KCNQ3: variants seen among roughly 807,000 people sequenced by gnomAD.
KCNQ3 encodes the protein potassium voltage-gated channel subfamily Q member 3.
KCNQ3 carries 30 observed loss-of-function variants against 92.5 expected under a neutral mutation model. That is an observed-to-expected ratio of 0.32 (90% confidence interval 0.24 to 0.44). The LOEUF (loss-of-function observed/expected upper bound fraction) is 0.44. KCNQ3 is among the 20% of genes least tolerant of loss of function. The probability of loss-of-function intolerance (pLI) is 1.00; values close to 1 mark genes in which losing one functional copy is unlikely to be tolerated. For synonymous variants in KCNQ3, 450 were observed against 468.8 expected (o/e 0.96, Z 0.52); for missense variants, 913 against 1,140.3 (o/e 0.80, Z 2.87).
At chr8:132,287,583 G>C (rs1000543151) in intron 1 of KCNQ3, among the ~76,000 whole-genome samples, 1 of 152,202 alleles carries the variant, frequency 6.6e-6, no homozygotes, top group Non-Finnish European at 1.5e-5. Context: ...ATATTACTCA[G>C]CTATGAAAAG....
At chr8:132,319,919 G>C (rs1259551135) in intron 1 of KCNQ3, among the ~76,000 whole-genome samples, 1 of 152,198 alleles carries the variant, frequency 6.6e-6, no homozygotes, top group Non-Finnish European at 1.5e-5. Context: ...CAGCTCCCCA[G>C]ATGAACTCCC....
At chr8:132,335,203 G>A (rs937490723) in intron 1 of KCNQ3, among the ~76,000 whole-genome samples, 3 of 152,018 alleles carry the variant, frequency 2.0e-5, no homozygotes, top group African/African-American at 7.2e-5. Flanking sequence ...ACCATGCCCA[G>A]CTAATTTTTG....
chr8:132,437,688 G>A (rs1246510606), intron 1 of KCNQ3, among the ~76,000 whole-genome samples: 1 of 152,042 alleles, frequency 6.6e-6, no homozygotes, highest in Non-Finnish European at 1.5e-5. Context: ...GTATTCTCAT[G>A]CACCGTATTT....
intron 1 of KCNQ3, among the ~76,000 whole-genome samples, chr8:132,399,416 C>T (rs1403542886): frequency 1.3e-5 from 2 of 152,304 alleles, no homozygotes; most frequent in Admixed American, 6.5e-5. Context: ...TTCTTGGTTT[C>T]CAGTCTTCTA....
intron 1 of KCNQ3, among the ~76,000 whole-genome samples, chr8:132,264,801 CAGGGT>C (rs1369980725): frequency 2.6e-5 from 4 of 152,218 alleles, no homozygotes; most frequent in Non-Finnish European, 5.9e-5. Flanking sequence ...TAATAACTTA[CAGGGT>C]TTTTGTGAGG....
At chr8:132,273,175 A>C (rs1816212859) in intron 1 of KCNQ3, among the ~76,000 whole-genome samples, 1 of 152,176 alleles carries the variant, frequency 6.6e-6, no homozygotes, top group Non-Finnish European at 1.5e-5. Flanking sequence ...GAGGTTATCC[A>C]TGAGGTTACC....
chr8:132,163,814 G>T (rs1435186985), intron 8 of KCNQ3, among the ~76,000 whole-genome samples: 1 of 152,186 alleles, frequency 6.6e-6, no homozygotes, highest in East Asian at 1.9e-4. Flanking sequence ...TTATTTGGTG[G>T]TGGAGACAGA....
At chr8:132,351,637 G>A (rs1393322362) in intron 1 of KCNQ3, among the ~76,000 whole-genome samples, 1 of 152,204 alleles carries the variant, frequency 6.6e-6, no homozygotes, top group Non-Finnish European at 1.5e-5. Flanking sequence ...AGCTCAGGCT[G>A]TACAGCTCAG....
chr8:132,299,765 T>C (rs947730875), intron 1 of KCNQ3, among the ~76,000 whole-genome samples: 1 of 137,658 alleles, frequency 7.3e-6, no homozygotes. Context: ...GCCTCTTCCA[T>C]AATCAGATAT....
intron 1 of KCNQ3, among the ~76,000 whole-genome samples, chr8:132,450,840 G>C (rs754116411): frequency 6.6e-6 from 1 of 152,298 alleles, no homozygotes. Context: ...TTCAATGGAC[G>C]ACTGGGGCAA....
chr8:132,390,563 A>G (rs1820024870), intron 1 of KCNQ3, among the ~76,000 whole-genome samples: 1 of 152,214 alleles, frequency 6.6e-6, no homozygotes, highest in African/African-American at 2.4e-5. Context: ...GGTGTTTTGT[A>G]AACATTCCCA....
chr8:132,322,046 AAGG>A lies in KCNQ3; in HGVS notation c.387-135868_387-135866del, dbSNP rs201688614. Among the ~76,000 whole-genome samples, 1,154 of 152,062 alleles carry A rather than the reference AAGG, an allele frequency of 7.6e-3. 17 individuals carry two copies. The highest frequency in any genetic ancestry group is 0.026 in the African/African-American group (1,094 of 41,516). On this transcript the variant is annotated intron_variant, in intron 1 of 14. Coordinates refer to ENST00000388996, the MANE Select transcript of KCNQ3 (RefSeq NM_004519.4). ...GCCTGAGGACAAGGTGTGGCAGAAG[AAGG>A]AGAGCGGAGAAAAGAAGTGAAAGAA... is the stretch of plus-strand genomic sequence containing the variant.
At position 132,211,238 on chromosome 8, in the gene KCNQ3, C is replaced by G. The variant is rs115493718; in HGVS notation, c.387-25057G>C. On this transcript the variant is annotated intron_variant, in intron 1 of 14. Coordinates refer to ENST00000388996, the MANE Select transcript of KCNQ3 (RefSeq NM_004519.4). The stretch of plus-strand genomic sequence containing the variant: ...CATTTCCAAGATGGACAAAAATAGA[C>G]TCCAATACATGTGAGAAAAAATTGT... 1.5e-3 allele frequency among the ~76,000 whole-genome samples: 228 copies of G among 152,302 alleles called. 1 individual carries two copies. The highest frequency in any genetic ancestry group is 5.3e-3 in the African/African-American group (219 of 41,558).
At chr8:132,258,777 GAGA>G (rs1246822752) in intron 1 of KCNQ3, among the ~76,000 whole-genome samples, 4 of 152,054 alleles carry the variant, frequency 2.6e-5, no homozygotes, top group East Asian at 1.9e-4. Context: ...AAGGAAAAAG[GAGA>G]AGATGACTCA....
intron 1 of KCNQ3, among the ~76,000 whole-genome samples, chr8:132,364,622 T>C (rs1278519152): frequency 6.6e-6 from 1 of 152,080 alleles, no homozygotes; most frequent in Non-Finnish European, 1.5e-5. Context: ...TCCTAACATA[T>C]AGTAGGCAAT....
chr8:132,440,623 C>T (rs978484250), intron 1 of KCNQ3, among the ~76,000 whole-genome samples: 8 of 152,130 alleles, frequency 5.3e-5, no homozygotes, highest in Non-Finnish European at 7.3e-5. Flanking sequence ...CCCCACGCCA[C>T]GAAGACAAGG....
At chr8:132,367,517 T>C (rs1195912168) in intron 1 of KCNQ3, among the ~76,000 whole-genome samples, 1 of 152,268 alleles carries the variant, frequency 6.6e-6, no homozygotes, top group Non-Finnish European at 1.5e-5. Flanking sequence ...ATAATACTAG[T>C]ACTGTTGTAA....
Position 132,355,286 on chromosome 8 carries a change from A to G in KCNQ3, c.386+124861T>C, listed in dbSNP as rs78711100. On this transcript the variant is annotated intron_variant, in intron 1 of 14. Transcript: ENST00000388996. ...AGGATCACATATCTAGTAGGGCCTA[A>G]GATGCCCTAAGATGCTGTCCAGGGC... Among the ~76,000 whole-genome samples, 189 of 152,114 alleles carry G rather than the reference A, an allele frequency of 1.2e-3. 2 individuals are homozygous for G. In the East Asian group the frequency reaches 0.028, roughly 23 times the overall value.
Position 132,480,745 on chromosome 8 carries a change from T to G in KCNQ3, c.-213A>C. 1.1e-5 allele frequency: 3 copies of G among 266,498 alleles called. No homozygotes were observed. Among genetic ancestry groups the G allele is most frequent in the Non-Finnish European group, 1.7e-5 (3 of 180,434 alleles). 16.5% of individuals were successfully genotyped at this position (266,498 alleles called of 1,614,324 possible). A position where few individuals can be genotyped will look rare whatever the true frequency, so the allele number is the denominator to read the frequency against. The stretch of plus-strand genomic sequence containing the variant: ...CCAGGCAGGGGGTCAGGGGGTCACA[T>G]CCCGCGCGGGTCAGCCGCAGGACCC... On this transcript the variant is annotated 5_prime_UTR_variant, in exon 1 of 15. The change abolishes an upstream ATG in the 5' untranslated region. Coordinates refer to ENST00000388996, the MANE Select transcript of KCNQ3 (RefSeq NM_004519.4).
Sources: gnomAD v4.1 joint callset for allele counts (sites outside exome capture counted in the v4.1 genomes callset) on GRCh38, gnomAD v4.1.1 for gene constraint, MANE v1.5 for transcripts, NCBI Gene and HGNC (gene_info 2026-07-23, HGNC 2026-07-21) for gene names.